The following DLG2 variants were observed in gnomAD, a reference collection of about 807,000 sequenced individuals.
DLG2 encodes disks large homolog 2.
Under a neutral mutation model 132.5 loss-of-function variants are expected in DLG2, and 45 were observed. The observed-to-expected ratio is 0.34, with a 90% CI of 0.27 to 0.44. The LOEUF (loss-of-function observed/expected upper bound fraction) is 0.44, where lower values mean the gene tolerates loss of function less well. Among genes scored for constraint, DLG2 ranks in the 20% least tolerant of loss-of-function variants. The probability of loss-of-function intolerance (pLI) is 1.00; values close to 1 mark genes in which losing one functional copy is unlikely to be tolerated. For synonymous variants in DLG2, 424 were observed against 419.6 expected, an observed-to-expected ratio of 1.01 and a Z score of -0.13; for missense variants, 1,045 against 1,196.9, an observed-to-expected ratio of 0.87 and a Z score of 1.87.
intron 6 of DLG2, among the ~76,000 whole-genome samples, chr11:84,867,707 T>G (rs538698605): frequency 6.6e-6 from 1 of 152,310 alleles, no homozygotes; most frequent in South Asian, 2.1e-4. Flanking sequence ...GAGACTCTTA[T>G]GCTGACAAAT....
intron 19 of DLG2, among the ~76,000 whole-genome samples, chr11:83,591,214 T>C (rs1219681469): frequency 2.1e-5 from 3 of 141,208 alleles, no homozygotes; most frequent in African/African-American, 7.9e-5. Context: ...ACCAATATCC[T>C]TGATGAACAT....
chr11:85,270,940 C>T (rs1018849173), intron 4 of DLG2, among the ~76,000 whole-genome samples: 4 of 152,088 alleles, frequency 2.6e-5, no homozygotes, highest in African/African-American at 7.2e-5. Context: ...CCTGACAATC[C>T]GATAGAAAGC....
intron 7 of DLG2, chr11:84,316,747 C>G: frequency 6.9e-7 from 1 of 1,445,056 alleles, no homozygotes; most frequent in Non-Finnish European, 9.2e-7. Context: ...TGCAAAGTTT[C>G]CAAGCCATTC....
intron 6 of DLG2, among the ~76,000 whole-genome samples, chr11:85,083,392 C>G (rs559701514): frequency 1.3e-5 from 2 of 152,086 alleles, no homozygotes; most frequent in Non-Finnish European, 2.9e-5. Flanking sequence ...CATTGGTCAC[C>G]AATTTGTAAA....
chr11:84,975,566 G>A (rs990102502), intron 6 of DLG2, among the ~76,000 whole-genome samples: 2 of 152,112 alleles, frequency 1.3e-5, no homozygotes, highest in Admixed American at 6.6e-5. Flanking sequence ...TGACATTTTT[G>A]AGTTGCCACA....
At chr11:84,333,913 G>C (rs1055043589) in intron 7 of DLG2, among the ~76,000 whole-genome samples, 1 of 152,108 alleles carries the variant, frequency 6.6e-6, no homozygotes, top group Admixed American at 6.5e-5. Context: ...AGTAGGGTTC[G>C]AAGAAATGAA....
At chr11:84,505,542 T>C (rs949570528) in intron 7 of DLG2, among the ~76,000 whole-genome samples, 2 of 152,194 alleles carry the variant, frequency 1.3e-5, no homozygotes, top group African/African-American at 4.8e-5. Flanking sequence ...TTTGAGCAAG[T>C]GTTTAAATGT....
chr11:85,324,958 G>A (rs554713785), intron 3 of DLG2, among the ~76,000 whole-genome samples: 1 of 147,868 alleles, frequency 6.8e-6, no homozygotes, highest in Non-Finnish European at 1.5e-5. Flanking sequence ...TGCCTCACCT[G>A]GGAAGCGCAA....
intron 3 of DLG2, among the ~76,000 whole-genome samples, chr11:85,401,570 G>A (rs1258016905): frequency 6.6e-6 from 1 of 152,178 alleles, no homozygotes; most frequent in Non-Finnish European, 1.5e-5. Flanking sequence ...CAGATGACAT[G>A]ATTGTATATT....
At chr11:84,725,180 A>G (rs932789628) in intron 6 of DLG2, among the ~76,000 whole-genome samples, 3 of 152,114 alleles carry the variant, frequency 2.0e-5, no homozygotes, top group Admixed American at 2.0e-4. Context: ...GGTCTTAACA[A>G]ATAGACTATC....
chr11:84,818,549 G>A (rs2077320650), intron 6 of DLG2, among the ~76,000 whole-genome samples: 1 of 151,704 alleles, frequency 6.6e-6, no homozygotes, highest in South Asian at 2.1e-4. Flanking sequence ...CAGAAGTTCA[G>A]AGACATTTAC....
intron 18 of DLG2, among the ~76,000 whole-genome samples, chr11:83,674,435 C>A (rs780570462): frequency 3.3e-5 from 5 of 152,220 alleles, no homozygotes; most frequent in Admixed American, 6.5e-5. Flanking sequence ...TACAAGGAAG[C>A]CACAAAACAA....
chr11:84,808,046 T>G (rs2076189946), intron 6 of DLG2, among the ~76,000 whole-genome samples: 1 of 152,120 alleles, frequency 6.6e-6, no homozygotes, highest in African/African-American at 2.4e-5. Flanking sequence ...AATACATATT[T>G]TTTCTCAAGT....
intron 3 of DLG2, among the ~76,000 whole-genome samples, chr11:85,458,751 T>C (rs1391390656): frequency 6.6e-6 from 1 of 152,254 alleles, no homozygotes; most frequent in Non-Finnish European, 1.5e-5. Flanking sequence ...TAGTGGCCTG[T>C]AGGCAGCCAC....
intron 11 of DLG2, among the ~76,000 whole-genome samples, chr11:84,020,255 T>C (rs1566067416): frequency 6.6e-6 from 1 of 152,140 alleles, no homozygotes; most frequent in Non-Finnish European, 1.5e-5. Context: ...CTTTATGCCT[T>C]TGAGTAAATA....
chr11:84,953,526 T>G (rs1261131590), intron 6 of DLG2, among the ~76,000 whole-genome samples: 1 of 152,210 alleles, frequency 6.6e-6, no homozygotes, highest in East Asian at 1.9e-4. Context: ...TCATCCATTT[T>G]TTAGCTTTGT....
intron 6 of DLG2, among the ~76,000 whole-genome samples, chr11:84,602,979 T>G (rs1184659826): frequency 6.6e-6 from 1 of 151,994 alleles, no homozygotes; most frequent in African/African-American, 2.4e-5. Context: ...TTGGTGAAAT[T>G]AGAAAATTCT....
At chr11:84,650,084 C>T (rs1347073128) in intron 6 of DLG2, among the ~76,000 whole-genome samples, 2 of 152,180 alleles carry the variant, frequency 1.3e-5, no homozygotes, top group South Asian at 2.1e-4. Context: ...GCCTCTATTC[C>T]AAAACTAATG....
intron 6 of DLG2, among the ~76,000 whole-genome samples, chr11:84,924,253 G>A (rs895133415): frequency 6.6e-5 from 10 of 152,102 alleles, no homozygotes; most frequent in African/African-American, 2.4e-4. Context: ...TTGGGAAGCC[G>A]ATTCTCAGCT....
Sources: gnomAD v4.1 joint callset for allele counts (sites outside exome capture counted in the v4.1 genomes callset) on GRCh38, gnomAD v4.1.1 for gene constraint, MANE v1.5 for transcripts, NCBI Gene and HGNC (gene_info 2026-07-23, HGNC 2026-07-21) for gene names.